COG6: variants seen among roughly 807,000 people sequenced by gnomAD.
The protein encoded by COG6 is component of oligomeric golgi complex 6.
COG6 carries 74 observed loss-of-function variants against 88.8 expected under a neutral mutation model. The ratio of observed to expected loss-of-function variants is 0.83; its 90% CI spans 0.69 to 1.01. COG6 has a LOEUF of 1.01. Ranked by LOEUF, COG6 falls within the 50% of genes least tolerant of loss-of-function variation. COG6 has a pLI of 0.00. For missense variants in COG6, 800 were observed against 797.9 expected, an observed-to-expected ratio of 1.00 and a Z score of -0.03; for synonymous variants, 286 against 278.7, an observed-to-expected ratio of 1.03 and a Z score of -0.26.
At chr13:39,676,167 T>C (rs1593416965) in intron 4 of COG6, among the ~76,000 whole-genome samples, 1 of 152,046 alleles carries the variant, frequency 6.6e-6, no homozygotes, top group East Asian at 1.9e-4. Context: ...GACCAATCTC[T>C]TCCTGTCCCC....
At chr13:39,770,921 C>T (rs1881302048) in intron 18 of COG6, among the ~76,000 whole-genome samples, 1 of 152,174 alleles carries the variant, frequency 6.6e-6, no homozygotes. Context: ...GCCTCATTGC[C>T]TTCTCTTCTT....
At chr13:39,755,594 G>A (rs193259904), downstream of COG6, among the ~76,000 whole-genome samples, 63 of 152,284 alleles carry the variant, frequency 4.1e-4, no homozygotes, top group Non-Finnish European at 8.4e-4. Context: ...CGTATTTCTG[G>A]GAATCTAGAA....
rs545732921 is a variant in COG6, at chr13:39,726,356, A to T, written c.1747-1113A>T. Among the ~76,000 whole-genome samples, 4 of 152,102 alleles carry T rather than the reference A, an allele frequency of 2.6e-5. No individual in the cohort carries two copies. In the South Asian group the frequency reaches 6.2e-4, roughly 24 times the overall value. ...GAAAACAGATATGATCTAGTAAGGGATGCAGCTACTACACAAATAAATGAA... is the reference window on the plus strand; with the variant it reads ...GAAAACAGATATGATCTAGTAAGGGTTGCAGCTACTACACAAATAAATGAA... On this transcript the variant is annotated intron_variant, in intron 17 of 18. Transcript: ENST00000455146.
At chr13:39,723,206 G>A in intron 15 of COG6, 127 bp from the exon 16 acceptor site, 1 of 671,206 alleles carries the variant, frequency 1.5e-6, no homozygotes, top group South Asian at 1.6e-5. Flanking sequence ...TACTGTTTGG[G>A]GGAAGAAAGA....
chr13:39,769,284 A>G (rs1376293422), intron 18 of COG6, among the ~76,000 whole-genome samples: 1 of 152,228 alleles, frequency 6.6e-6, no homozygotes, highest in Non-Finnish European at 1.5e-5. Context: ...CAAGATTATA[A>G]GAGAGTGCCA....
Position 39,689,844 on chromosome 13 carries a change from C to A in COG6, c.1074+20C>A. The A allele has an allele frequency of 1.3e-6, 2 of 1,500,892 alleles. No individual in the cohort carries two copies. Among genetic ancestry groups the A allele is most frequent in the South Asian group, 1.1e-5 (1 of 88,626 alleles). The allele number at this position is 1,500,892 out of a possible 1,614,324, so 93.0% of individuals were successfully genotyped here. ...CTAAAGGTAAAATATTTTGTTTTTACATATGCTATATGGTACCTGCTTAAA... is the reference window on the plus strand; with the variant it reads ...CTAAAGGTAAAATATTTTGTTTTTAAATATGCTATATGGTACCTGCTTAAA... On this transcript the variant is annotated intron_variant, in intron 11 of 18. Transcript: ENST00000455146.
At chr13:39,670,026 A>G (rs1229748197) in intron 4 of COG6, among the ~76,000 whole-genome samples, 3 of 152,220 alleles carry the variant, frequency 2.0e-5, no homozygotes, top group Admixed American at 6.5e-5. Flanking sequence ...ATCTGTTTCT[A>G]TATGGGATTA....
intron 4 of COG6, among the ~76,000 whole-genome samples, chr13:39,671,676 A>G (rs776955398): frequency 3.3e-5 from 5 of 151,976 alleles, no homozygotes; most frequent in Non-Finnish European, 7.4e-5. Context: ...ATGCATGTAC[A>G]TGTTCCTTGA....
chr13:39,713,987 A>G (rs1317472541), intron 13 of COG6, among the ~76,000 whole-genome samples: 2 of 152,176 alleles, frequency 1.3e-5, no homozygotes, highest in African/African-American at 2.4e-5. Flanking sequence ...AAAACACCTC[A>G]TAGAATGGCA....
intron 18 of COG6, among the ~76,000 whole-genome samples, chr13:39,759,185 T>G (rs574726760): frequency 3.3e-5 from 5 of 152,224 alleles, no homozygotes; most frequent in Non-Finnish European, 7.3e-5. Context: ...GCCACTGGAT[T>G]GTGCTCTTTT....
chr13:39,668,546 T>G (rs1875411239), intron 4 of COG6, among the ~76,000 whole-genome samples: 1 of 152,098 alleles, frequency 6.6e-6, no homozygotes, highest in Non-Finnish European at 1.5e-5. Flanking sequence ...CCCAGCACTT[T>G]GGGAGGCCGA....
At chr13:39,776,364 T>C (rs1314577448) in intron 18 of COG6, among the ~76,000 whole-genome samples, 1 of 152,218 alleles carries the variant, frequency 6.6e-6, no homozygotes, top group Non-Finnish European at 1.5e-5. Flanking sequence ...CCAGAAGCAA[T>C]CTGCCCTAAG....
In COG6 at chr13:39,719,684, C is replaced by T. The variant is rs868099962; in HGVS notation, c.1441C>T (p.Leu481Phe). The change falls in exon 15 of 19, where the codon CTC becomes TTC. Residue 481 changes from leucine to phenylalanine, a missense_variant. Physicochemically the swap from Leu to Phe is conservative, Grantham distance 22. Coordinates refer to ENST00000455146, the MANE Select transcript of COG6 (RefSeq NM_020751.3). Reference protein sequence around the residue: ...VQVLSCVLDPLLQMCTVSASN... With the variant: ...VQVLSCVLDPFLQMCTVSASN... Reference sequence around the variant, plus strand: ...GGTTTTATCATGTGTCTTGGATCCTCTCCTACAGATGTGTACTGTATCAGC... The same window carrying T: ...GGTTTTATCATGTGTCTTGGATCCTTTCCTACAGATGTGTACTGTATCAGC... 1 of 1,612,858 alleles carries T rather than the reference C, an allele frequency of 6.2e-7. No individual in the cohort carries two copies. Among genetic ancestry groups the T allele is most frequent in the Non-Finnish European group, 8.5e-7 (1 of 1,179,162 alleles).
chr13:39,705,923 C>T (rs1877867217), intron 13 of COG6, among the ~76,000 whole-genome samples: 1 of 151,884 alleles, frequency 6.6e-6, no homozygotes, highest in African/African-American at 2.4e-5. Context: ...TTGAGTTTTA[C>T]ATTATTCCTT....
In COG6 at chr13:39,772,982, T is replaced by A. The variant is rs74321894; in HGVS notation, c.1827-15353T>A. ...GGGGCCAGGAGCTTTGTATATTTTA[T>A]GTCTCCTCCTAACATCAAACTGACA... On this transcript the variant is annotated intron_variant, in intron 18 of 18. Coordinates refer to the COG6 transcript ENST00000416691. Among the ~76,000 whole-genome samples the A allele has an allele frequency of 7.7e-3, 1,180 of 152,340 alleles. 14 individuals carry two copies. The highest frequency in any genetic ancestry group is 0.027 in the African/African-American group (1,108 of 41,564).
chr13:39,663,931 A>C (rs1442263482), intron 3 of COG6: 2 of 152,264 alleles, frequency 1.3e-5, no homozygotes, highest in South Asian at 4.1e-4. Context: ...AAAATTATCT[A>C]GGTTCAAATT....
chr13:39,781,246 C>A (rs1027187257), intron 18 of COG6, among the ~76,000 whole-genome samples: 1 of 152,038 alleles, frequency 6.6e-6, no homozygotes, highest in Non-Finnish European at 1.5e-5. Flanking sequence ...AATACATGGG[C>A]GCTTATTAGA....
chr13:39,723,476 C>A, intron 16 of COG6, 36 bp downstream of exon 16: 1 of 1,208,218 alleles, frequency 8.3e-7, no homozygotes, highest in Non-Finnish European at 1.2e-6. Flanking sequence ...ATTCTAAGAA[C>A]ATGCCAGTTT....
intron 5 of COG6, chr13:39,678,153 A>G (rs1876089164): frequency 4.9e-6 from 2 of 410,798 alleles, no homozygotes; most frequent in Non-Finnish European, 4.8e-6. Flanking sequence ...TGCAGCCTCA[A>G]CCTCCCAGGC....
Sources: gnomAD v4.1 joint callset for allele counts (sites outside exome capture counted in the v4.1 genomes callset) on GRCh38, gnomAD v4.1.1 for gene constraint, MANE v1.5 for transcripts, NCBI Gene and HGNC (gene_info 2026-07-23, HGNC 2026-07-21) for gene names.